Variants in LPGAT1 observed in about 807,000 individuals in gnomAD.
LPGAT1 encodes lysophosphatidylglycerol acyltransferase 1.
Under a neutral mutation model 47.5 loss-of-function variants are expected in LPGAT1, and 11 were observed. The observed-to-expected ratio is 0.23, with a 90% CI of 0.15 to 0.38. The LOEUF is 0.38. Ranked by LOEUF, LPGAT1 falls within the 10% of genes least tolerant of loss-of-function variation. The probability of loss-of-function intolerance (pLI) is 1.00; values close to 1 mark genes in which losing one functional copy is unlikely to be tolerated. For missense variants in LPGAT1, 293 were observed against 439.0 expected (o/e 0.67, Z 2.97); for synonymous variants, 138 against 144.2 (o/e 0.96, Z 0.31).
chr1:211,820,593 T>A, intron 2 of LPGAT1, among the ~76,000 whole-genome samples: 1 of 146,492 alleles, frequency 6.8e-6, no homozygotes, highest in East Asian at 2.0e-4. Flanking sequence ...AAGAAGAAAC[T>A]GATAGGAGAA....
chr1:211,766,583 A>C (rs1188207797), intron 6 of LPGAT1, among the ~76,000 whole-genome samples: 1 of 152,244 alleles, frequency 6.6e-6, no homozygotes, highest in Non-Finnish European at 1.5e-5. Context: ...GGCATTTTGT[A>C]GAGATGATGG....
In LPGAT1 at chr1:211,780,788, A is replaced by T. The variant is rs1282227183; in HGVS notation, c.728-1744T>A. On this transcript the variant is annotated intron_variant, in intron 5 of 7. Coordinates refer to ENST00000366997, the MANE Select transcript of LPGAT1 (RefSeq NM_014873.3). Reference sequence around the variant, plus strand: ...AAGTTTATTTTTAGACACATTAAAAAATGAAACAACCAAGATGGATTAATG... The same window carrying T: ...AAGTTTATTTTTAGACACATTAAAATATGAAACAACCAAGATGGATTAATG... 4.6e-5 allele frequency among the ~76,000 whole-genome samples: 7 copies of T among 152,236 alleles called. No individual in the cohort carries two copies. The East Asian group carries it at 1.3e-3, about 29-fold the overall frequency.
At chr1:211,778,076 C>T (rs1658481178) in intron 6 of LPGAT1, among the ~76,000 whole-genome samples, 2 of 152,210 alleles carry the variant, frequency 1.3e-5, no homozygotes, top group African/African-American at 2.4e-5. Context: ...GGCGCGGTGG[C>T]TCACGCCTGT....
intron 6 of LPGAT1, among the ~76,000 whole-genome samples, chr1:211,754,958 A>C (rs941895944): frequency 3.3e-5 from 5 of 151,290 alleles, no homozygotes; most frequent in Admixed American, 6.6e-5. Flanking sequence ...AGGTTGCAGC[A>C]AGCCGCAATG....
chr1:211,756,856 T>C (rs77031868), intron 6 of LPGAT1, among the ~76,000 whole-genome samples: 17,741 of 150,770 alleles, frequency 0.12, 1,232 homozygotes, highest in Non-Finnish European at 0.15. Flanking sequence ...GTGTTTGCTT[T>C]GTTTTTTTTT....
chr1:211,813,909 G>T lies in LPGAT1; in HGVS notation c.238+15150C>A, dbSNP rs575457338. ...CTGTTAAAGAGACAGGAAAAGAAAAGGTAATAGTCAAGAACATGAAGGAGA... is the reference window on the plus strand; with the variant it reads ...CTGTTAAAGAGACAGGAAAAGAAAATGTAATAGTCAAGAACATGAAGGAGA... On this transcript the variant is annotated intron_variant, in intron 2 of 7. Coordinates refer to ENST00000366997, the MANE Select transcript of LPGAT1 (RefSeq NM_014873.3). 1.2e-4 allele frequency among the ~76,000 whole-genome samples: 18 copies of T among 152,258 alleles called. No individual in the cohort carries two copies. In the South Asian group the frequency reaches 1.2e-3, roughly 11 times the overall value.
At position 211,747,299 on chromosome 1, in the gene LPGAT1, T is replaced by G. The variant is rs962331504; in HGVS notation, c.*2600A>C. On this transcript the variant is annotated 3_prime_UTR_variant, in exon 8 of 8. Coordinates refer to ENST00000366997, the MANE Select transcript of LPGAT1 (RefSeq NM_014873.3). ...TGCAAACAGAAGAGAGAGAACATGT[T>G]AAAGAATCAAAGAAGGATAGGGCAG... 1 of 152,124 alleles carries G rather than the reference T, an allele frequency of 6.6e-6. No individual in the cohort carries two copies. The highest frequency in any genetic ancestry group is 2.4e-5 in the African/African-American group (1 of 41,424). 9.4% of individuals were successfully genotyped at this position (152,124 alleles called of 1,614,324 possible).
At chr1:211,828,701 A>C (rs916644432) in intron 2 of LPGAT1, among the ~76,000 whole-genome samples, 1 of 152,210 alleles carries the variant, frequency 6.6e-6, no homozygotes, top group Non-Finnish European at 1.5e-5. Flanking sequence ...TCCAATGTTT[A>C]TGGGCATCTT....
intron 7 of LPGAT1, among the ~76,000 whole-genome samples, chr1:211,750,387 A>G (rs1657126670): frequency 1.3e-5 from 2 of 152,050 alleles, no homozygotes; most frequent in South Asian, 2.1e-4. Context: ...CATGATCCCA[A>G]TTATCTTTCT....
At chr1:211,807,577 GAA>G (rs1331154229) in intron 2 of LPGAT1, among the ~76,000 whole-genome samples, 1 of 152,104 alleles carries the variant, frequency 6.6e-6, no homozygotes, top group African/African-American at 2.4e-5. Context: ...CAACAGAACA[GAA>G]AAGAGGATCC....
At chr1:211,804,318 G>C (rs985013333) in intron 2 of LPGAT1, among the ~76,000 whole-genome samples, 1 of 151,910 alleles carries the variant, frequency 6.6e-6, no homozygotes. Flanking sequence ...CCACAGTATT[G>C]GGAATACAGG....
chr1:211,830,248 C>T lies in LPGAT1; in HGVS notation c.-28+325G>A. 3 of 991,342 alleles carry T rather than the reference C, an allele frequency of 3.0e-6. No homozygotes were observed. Among genetic ancestry groups the T allele is most frequent in the Non-Finnish European group, 3.6e-6 (3 of 834,548 alleles). 61.4% of individuals were successfully genotyped at this position (991,342 alleles called of 1,614,324 possible). On this transcript the variant is annotated intron_variant, in intron 1 of 7. Coordinates refer to ENST00000366997, the MANE Select transcript of LPGAT1 (RefSeq NM_014873.3). The surrounding 1 kb of genome is among the most constrained non-coding windows in gnomAD (Gnocchi z 5.9). ...GCGGGTGTCCCCCGCCGAGGGGTCG[C>T]GGTCATGGACGCGGTGGCGGCCCAA... is the stretch of plus-strand genomic sequence containing the variant.
At chr1:211,771,027 G>A (rs1380389707) in intron 6 of LPGAT1, among the ~76,000 whole-genome samples, 3 of 151,670 alleles carry the variant, frequency 2.0e-5, no homozygotes, top group Non-Finnish European at 4.4e-5. Context: ...AGCCCAGGAG[G>A]TGGAGGTTGC....
chr1:211,787,489 CA>C (rs374026763), intron 4 of LPGAT1, 142 bp downstream of exon 4: 32,182 of 190,082 alleles, frequency 0.17, 39 homozygotes, highest in Middle Eastern at 0.21. Flanking sequence ...CTCTGTCTCT[CA>C]AAAAAAAAAA....
chr1:211,760,340 A>G (rs1657642353), intron 6 of LPGAT1, among the ~76,000 whole-genome samples: 1 of 152,236 alleles, frequency 6.6e-6, no homozygotes, highest in African/African-American at 2.4e-5. Flanking sequence ...CTGTAGTCCC[A>G]GCAACTCGGG....
intron 6 of LPGAT1, among the ~76,000 whole-genome samples, chr1:211,768,611 G>A (rs1056828267): frequency 6.6e-6 from 1 of 152,306 alleles, no homozygotes; most frequent in South Asian, 2.1e-4. Flanking sequence ...TTTCAGAGAC[G>A]TTAATATGTG....
In LPGAT1 at chr1:211,830,317, C is replaced by G; in HGVS notation, c.-28+256G>C. The G allele has an allele frequency of 1.8e-6, 2 of 1,105,218 alleles. No homozygotes were observed. The highest frequency in any genetic ancestry group is 2.2e-6 in the Non-Finnish European group (2 of 906,942). The allele number at this position is 1,105,218 out of a possible 1,614,324, so 68.5% of individuals were successfully genotyped here. On this transcript the variant is annotated intron_variant, in intron 1 of 7. Coordinates refer to ENST00000366997, the MANE Select transcript of LPGAT1 (RefSeq NM_014873.3). The surrounding 1 kb of genome is among the most constrained non-coding windows in gnomAD (Gnocchi z 5.9). ...CGAGCGGGCGCGCTGGCGCCCTACT[C>G]CCCTCGCGGCTGCCTGCGGACAGAG... is the stretch of plus-strand genomic sequence containing the variant.
At chr1:211,828,891 T>A (rs770594031) in intron 2 of LPGAT1, among the ~76,000 whole-genome samples, 168 bp downstream of exon 2, 6 of 152,228 alleles carry the variant, frequency 3.9e-5, no homozygotes, top group Admixed American at 3.9e-4. Context: ...TCTGAAAACA[T>A]TGGTCTTCCT....
chr1:211,754,056 C>A lies in LPGAT1; in HGVS notation c.855-2989G>T, dbSNP rs539565670. ...GAGGGCTGGGAATCTTAGCACTCAG[C>A]ACACTGACATCACTTCACCATGCTG... On this transcript the variant is annotated intron_variant, in intron 6 of 7. Transcript: ENST00000366997. Among the ~76,000 whole-genome samples the A allele has an allele frequency of 3.8e-4, 58 of 152,186 alleles. 1 individual carries two copies. Among genetic ancestry groups the A allele is most frequent in the Non-Finnish European group, 7.2e-4 (49 of 68,036 alleles).
Sources: allele counts gnomAD v4.1 joint callset (sites outside exome capture counted in the v4.1 genomes callset), GRCh38; gene constraint gnomAD v4.1.1; non-coding constraint Gnocchi (gnomAD v3.1); transcripts MANE v1.5; gene names NCBI Gene and HGNC (gene_info 2026-07-23, HGNC 2026-07-21).